IFT74: variants seen among roughly 807,000 people sequenced by gnomAD.
The protein encoded by IFT74 is intraflagellar transport 74.
Under a neutral mutation model 96.7 loss-of-function variants are expected in IFT74, and 92 were observed. That is an observed-to-expected ratio of 0.95 (90% CI 0.80 to 1.13). IFT74 has a LOEUF of 1.13. IFT74 is among the 50% of genes most tolerant of loss of function. The pLI is 0.00. For synonymous variants in IFT74, 223 were observed against 213.2 expected, an observed-to-expected ratio of 1.05 and a Z score of -0.40; for missense variants, 811 against 698.2, an observed-to-expected ratio of 1.16 and a Z score of -1.82.
At chr9:26,952,364 C>T (rs1825961298), upstream of IFT74, among the ~76,000 whole-genome samples, 2 of 151,390 alleles carry the variant, frequency 1.3e-5, no homozygotes, top group African/African-American at 2.4e-5. Flanking sequence ...GCAGCCTCTG[C>T]CTCTAGGGTT....
intron 18 of IFT74, among the ~76,000 whole-genome samples, chr9:27,057,026 A>T (rs1820196952): frequency 6.6e-6 from 1 of 152,156 alleles, no homozygotes; most frequent in Admixed American, 6.5e-5. Context: ...ACTATACATC[A>T]TAAGTACTTT....
intron 8 of IFT74, chr9:26,995,542 A>G (rs760530958): frequency 1.9e-6 from 3 of 1,565,138 alleles, no homozygotes; most frequent in Non-Finnish European, 2.6e-6. Context: ...CACATAATTC[A>G]TGGATATCTA....
In IFT74 at chr9:26,990,190, A is replaced by G. The variant is rs900291084; in HGVS notation, c.582A>G (p.Arg194=). Residue 194 remains arginine (R), a synonymous_variant, in exon 8 of 20, where the codon AGA becomes AGG. Transcript: ENST00000380062. ...TQSLDVIFTE[R]QAKEKQIRSV... ...GTTTGGATGTCATATTTACTGAAAG[A>G]CAAGCGTAAGTATAGCTAATTTAAA... is the stretch of plus-strand genomic sequence containing the variant. The G allele has an allele frequency of 1.4e-5, 21 of 1,450,310 alleles. No homozygotes were observed. The highest frequency in any genetic ancestry group is 1.8e-4 in the Middle Eastern group (1 of 5,570). The allele number at this position is 1,450,310 out of a possible 1,614,324, so 89.8% of individuals were successfully genotyped here.
rs1827538485 is a variant in IFT74, at chr9:26,984,375, TATTC to T, written c.404+26_404+29del. ...AAAGAGGTGAGTAATAAGTATTCAGTATTCATTCAGTATTTTGTGCTTATAATAC... is the reference window on the plus strand; with the variant it reads ...AAAGAGGTGAGTAATAAGTATTCAGTATTCAGTATTTTGTGCTTATAATAC... On this transcript the variant is annotated intron_variant, in intron 5 of 19. Coordinates refer to ENST00000380062, the MANE Select transcript of IFT74 (RefSeq NM_025103.4). 6.3e-7 allele frequency: 1 copy of T among 1,580,726 alleles called. No individual in the cohort carries two copies. The highest frequency in any genetic ancestry group is 8.6e-7 in the Non-Finnish European group (1 of 1,161,188).
At chr9:26,958,272 T>A (rs1003496789) in intron 1 of IFT74, among the ~76,000 whole-genome samples, 4 of 152,162 alleles carry the variant, frequency 2.6e-5, no homozygotes, top group Non-Finnish European at 5.9e-5. Context: ...AATAAAGTAA[T>A]ACACAGGATG....
chr9:26,995,924 T>C (rs1352155847), intron 8 of IFT74: 1 of 1,021,934 alleles, frequency 9.8e-7, no homozygotes, highest in African/African-American at 1.6e-5. Context: ...TTATATATCC[T>C]AATTCTCCTC....
chr9:27,006,930 G>A (rs771347796), intron 8 of IFT74, among the ~76,000 whole-genome samples: 7 of 146,096 alleles, frequency 4.8e-5, no homozygotes, highest in Non-Finnish European at 1.0e-4. Context: ...TCTGCCTCCC[G>A]GGTTGACGCC....
chr9:27,006,885 G>T (rs1378295835), intron 8 of IFT74, among the ~76,000 whole-genome samples: 1 of 139,752 alleles, frequency 7.2e-6, no homozygotes, highest in East Asian at 2.2e-4. Flanking sequence ...CACCCAGGCT[G>T]GAGTGTAGTG....
chr9:26,971,695 C>T (rs1826885166), intron 2 of IFT74, among the ~76,000 whole-genome samples: 1 of 152,130 alleles, frequency 6.6e-6, no homozygotes, highest in Non-Finnish European at 1.5e-5. Context: ...TGCCCTGGGA[C>T]ATGTACAATA....
At chr9:27,012,735 T>TA (rs1554672832) in intron 10 of IFT74, among the ~76,000 whole-genome samples, 5 of 118,094 alleles carry the variant, frequency 4.2e-5, no homozygotes, top group Admixed American at 9.2e-5. Flanking sequence ...TTTTTTTTTT[T>TA]AGACAGAGTA....
chr9:27,027,275 ACT>A (rs893463587), intron 12 of IFT74, among the ~76,000 whole-genome samples: 3 of 152,084 alleles, frequency 2.0e-5, no homozygotes, highest in African/African-American at 7.2e-5. Context: ...AGAAATAGAA[ACT>A]CTGAACAGAC....
chr9:27,040,806 C>A (rs1271993374), intron 13 of IFT74, among the ~76,000 whole-genome samples: 1 of 152,054 alleles, frequency 6.6e-6, no homozygotes, highest in Admixed American at 6.6e-5. Context: ...GGGATAGCCA[C>A]CTATTTGGAA....
chr9:26,967,333 G>T (rs1175783380), intron 2 of IFT74, among the ~76,000 whole-genome samples: 2 of 151,604 alleles, frequency 1.3e-5, no homozygotes, highest in South Asian at 4.2e-4. Flanking sequence ...TAATTCCTAG[G>T]TATTTTATTT....
chr9:27,025,138 A>T (rs992928178), intron 12 of IFT74, among the ~76,000 whole-genome samples: 1 of 152,092 alleles, frequency 6.6e-6, no homozygotes, highest in Non-Finnish European at 1.5e-5. Context: ...CTAGAGATGT[A>T]GACATCCAAA....
intron 15 of IFT74, among the ~76,000 whole-genome samples, chr9:27,047,764 A>G (rs900904389): frequency 2.0e-5 from 3 of 152,222 alleles, no homozygotes; most frequent in African/African-American, 7.2e-5. Flanking sequence ...TTGTAAATAA[A>G]AAGATTCTTG....
rs1820158995 is a variant in IFT74 at position 27,056,392 on chromosome 9, T to A, written c.1556T>A (p.Met519Lys). The A allele has an allele frequency of 1.3e-6, 2 of 1,598,864 alleles. No homozygotes were observed. Among genetic ancestry groups the A allele is most frequent in the African/African-American group, 2.7e-5 (2 of 74,290 alleles). Residue 519 changes from methionine to lysine, a missense_variant, in exon 18 of 20, where the codon ATG (methionine) becomes AAG (lysine). Physicochemically the swap from Met to Lys is moderately conservative, Grantham distance 95. Transcript: ENST00000380062. ...STHRNAFKKI[M>K]EKQNIEYEAL... The stretch of plus-strand genomic sequence containing the variant: ...CACAGAAATGCCTTTAAGAAAATAA[T>A]GGAGAAGCAAAACATAGAGTATGAG...
chr9:26,989,263 G>C (rs1206329355), intron 7 of IFT74, among the ~76,000 whole-genome samples: 3 of 152,120 alleles, frequency 2.0e-5, no homozygotes, highest in African/African-American at 7.2e-5. Context: ...AGCAGGTACA[G>C]TGTTCATTAT....
At chr9:26,950,249 T>G (rs1369872615) in intron 1 of IFT74, among the ~76,000 whole-genome samples, 1 of 150,612 alleles carries the variant, frequency 6.6e-6, no homozygotes, top group Non-Finnish European at 1.5e-5. Flanking sequence ...GAGGGGGAGG[T>G]TGCAGTGAGC....
At chr9:27,016,883 C>T in intron 10 of IFT74, 24 bp from the exon 11 acceptor site, 1 of 1,568,228 alleles carries the variant, frequency 6.4e-7, no homozygotes, top group Middle Eastern at 1.7e-4. Flanking sequence ...CTAATTAAAA[C>T]TTTCCCTTCT....
Sources: allele counts gnomAD v4.1 joint callset (sites outside exome capture counted in the v4.1 genomes callset), GRCh38; gene constraint gnomAD v4.1.1; transcripts MANE v1.5; gene names NCBI Gene and HGNC (gene_info 2026-07-23, HGNC 2026-07-21).